The following KAT8 variants were observed in gnomAD, a reference collection of about 807,000 sequenced individuals.
KAT8 encodes the protein lysine acetyltransferase 8.
Under a neutral mutation model 62.9 loss-of-function variants are expected in KAT8, and 40 were observed. The observed-to-expected ratio is 0.64, with a 90% CI of 0.49 to 0.83. KAT8 has a LOEUF of 0.83. Among genes scored for constraint, KAT8 ranks in the 40% least tolerant of loss-of-function variants. The pLI is 0.00. For synonymous variants in KAT8, 278 were observed against 254.5 expected (o/e 1.09, Z -0.88); for missense variants, 387 against 614.8 (o/e 0.63, Z 3.92).
At chr16:31,128,300 C>G (rs1247197942) in intron 6 of KAT8, among the ~76,000 whole-genome samples, 161 bp downstream of exon 6, 1 of 152,188 alleles carries the variant, frequency 6.6e-6, no homozygotes, top group Admixed American at 6.5e-5. Context: ...GTAATCCTAG[C>G]ACTTTTGGAG....
At chr16:31,127,148 G>T (rs747240791) in intron 4 of KAT8, 41 bp from the exon 5 acceptor site, 1 of 1,609,586 alleles carries the variant, frequency 6.2e-7, no homozygotes, top group Non-Finnish European at 8.5e-7. Flanking sequence ...AGGAGCCCCT[G>T]CTGAGCCGTG....
intron 10 of KAT8, 138 bp from the exon 11 acceptor site, chr16:31,131,057 C>T (rs551463336): frequency 6.6e-7 from 1 of 1,504,296 alleles, no homozygotes; most frequent in African/African-American, 1.4e-5. Flanking sequence ...CCTGGGCTTC[C>T]CTACCCCTCC....
At chr16:31,120,149 T>A in intron 1 of KAT8, 37 bp from the exon 2 acceptor site, 1 of 1,575,372 alleles carries the variant, frequency 6.3e-7, no homozygotes, top group South Asian at 1.1e-5. Context: ...TGTTCCAGCC[T>A]TACCTTCCTG....
Position 31,117,846 on chromosome 16 carries a change from G to A in KAT8, c.165G>A (p.Val55=). Residue 55 remains valine (V), a synonymous_variant, in exon 1 of 11, where the codon GTG becomes GTA. Coordinates refer to ENST00000219797, the MANE Select transcript of KAT8 (RefSeq NM_032188.3). ...TPARGEPEVT[V]EIGETYLCRR... is the part of the protein sequence containing the mutation. ...CGCGCGGCGAGCCGGAAGTCACGGT[G>A]GAGATCGGAGAAACGTACCTGTGCC... 5 of 1,438,386 alleles carry A rather than the reference G, an allele frequency of 3.5e-6. No homozygotes were observed. Among genetic ancestry groups the A allele is most frequent in the Non-Finnish European group, 4.6e-6 (5 of 1,086,154 alleles). 89.1% of individuals were successfully genotyped at this position (1,438,386 alleles called of 1,614,324 possible).
intron 3 of KAT8, chr16:31,125,962 C>G (rs2057529032): frequency 6.6e-6 from 1 of 152,202 alleles, no homozygotes; most frequent in Non-Finnish European, 1.5e-5. Context: ...TTGACCACTT[C>G]TCGCTGAACT....
intron 3 of KAT8, 88 bp from the exon 4 acceptor site, chr16:31,126,947 C>T (rs1007771293): frequency 1.6e-4 from 227 of 1,388,930 alleles, no homozygotes; most frequent in Non-Finnish European, 1.9e-4. Flanking sequence ...GTCTGGTAGA[C>T]GGCAGGGAAG....
intron 3 of KAT8, among the ~76,000 whole-genome samples, chr16:31,122,820 G>A (rs976332683): frequency 6.6e-6 from 1 of 151,734 alleles, no homozygotes; most frequent in South Asian, 2.1e-4. Context: ...GGTGGAGCTT[G>A]TAGTGAGCCG....
At chr16:31,119,013 T>C (rs1029551769) in intron 1 of KAT8, among the ~76,000 whole-genome samples, 3 of 151,454 alleles carry the variant, frequency 2.0e-5, no homozygotes, top group African/African-American at 7.3e-5. Context: ...CCTCTCAGAG[T>C]GTTGGGATTA....
At position 31,130,069 on chromosome 16, in the gene KAT8, CA is replaced by C; in HGVS notation, c.825del (p.Leu276CysfsTer13). The C allele has an allele frequency of 6.2e-7, 1 of 1,613,996 alleles. No individual in the cohort carries two copies. The highest frequency in any genetic ancestry group is 8.5e-7 in the Non-Finnish European group (1 of 1,179,980). On this transcript the variant is annotated frameshift_variant, in exon 7 of 11. Transcript: ENST00000219797. LOFTEE classifies it high-confidence loss of function. ...LLAKLFLDHKTLYFDVEPFVF... is the reference protein window; with the variant it reads ...LLAKLFLDHKXLYFDVEPFVF... ...GCCAAGCTTTTCCTGGACCATAAGA[CA>C]CTGTACTTTGACGTGGAGCCGTTCG...
At chr16:31,120,717 A>G (rs2057486743) in intron 3 of KAT8, 1 of 526,872 alleles carries the variant, frequency 1.9e-6, no homozygotes, top group Non-Finnish European at 3.3e-6. Context: ...CTGCAGTCTC[A>G]CAGCAAGGAA....
intron 1 of KAT8, 97 bp from the exon 2 acceptor site, chr16:31,120,089 T>C: frequency 1.1e-6 from 1 of 936,462 alleles, no homozygotes; most frequent in Non-Finnish European, 1.8e-6. Context: ...GGTTAGCTGA[T>C]GTGTGGCCCT....
rs144270604 is a variant in KAT8 at position 31,128,076 on chromosome 16, C to T, written c.708C>T (p.Pro236=). 36 of 1,613,942 alleles carry T rather than the reference C, an allele frequency of 2.2e-5. No homozygotes were observed. Among genetic ancestry groups the T allele is most frequent in the East Asian group, 6.7e-5 (3 of 44,886 alleles). The part of the protein sequence containing the change: ...HLGQCQWRQP[P]GKEIYRKSNI... ...GTCAGTGCCAGTGGCGGCAGCCCCC[C>T]GGGAAAGAGATCTACCGCAAGAGCA... is the stretch of plus-strand genomic sequence containing the variant. Residue 236 remains proline, a synonymous_variant, in exon 6 of 11, where the codon CCC becomes CCT. Coordinates refer to ENST00000219797, the MANE Select transcript of KAT8 (RefSeq NM_032188.3).
rs770075993 is a variant in KAT8, at chr16:31,130,258, C to T, written c.913-9C>T. ...CTCCCCAGCGGCCCTGAGCACCTGC[C>T]TCCTGCAGGAGAAGGAGTCCCCGGA... On this transcript the variant is annotated splice_polypyrimidine_tract_variant and intron_variant, in intron 7 of 10. Coordinates refer to ENST00000219797, the MANE Select transcript of KAT8 (RefSeq NM_032188.3). The T allele has an allele frequency of 3.2e-5, 52 of 1,613,946 alleles. No homozygotes were observed. The highest frequency in any genetic ancestry group is 8.5e-6 in the Non-Finnish European group (10 of 1,179,932).
intron 3 of KAT8, chr16:31,126,116 C>T (rs886678698): frequency 5.3e-5 from 8 of 152,294 alleles, no homozygotes; most frequent in African/African-American, 1.9e-4. Flanking sequence ...CATGGACTCA[C>T]CTGACTCATG....
intron 3 of KAT8, among the ~76,000 whole-genome samples, chr16:31,121,340 CG>C (rs1471311016): frequency 6.6e-6 from 1 of 151,966 alleles, no homozygotes; most frequent in Non-Finnish European, 1.5e-5. Flanking sequence ...AGGCTGGTCT[CG>C]AACTCCTGAC....
chr16:31,129,942 G>T, intron 6 of KAT8, 75 bp from the exon 7 acceptor site: 1 of 1,556,892 alleles, frequency 6.4e-7, no homozygotes. Context: ...GCGTGGGCTG[G>T]TGCCGGCCGC....
Position 31,127,371 on chromosome 16 carries a change from G to A in KAT8, c.681+18G>A, listed in dbSNP as rs200926635. On this transcript the variant is annotated intron_variant, in intron 5 of 10. Coordinates refer to ENST00000219797, the MANE Select transcript of KAT8 (RefSeq NM_032188.3). ...TCCACTTGGTGAGGCTGGGCCGGCC[G>A]GGCCGAGCTGGGCAGGGGCCCGGTG... 60 of 1,612,784 alleles carry A rather than the reference G, an allele frequency of 3.7e-5. No homozygotes were observed. The highest frequency in any genetic ancestry group is 4.6e-5 in the Non-Finnish European group (54 of 1,179,494).
chr16:31,119,812 A>G (rs2057479725), intron 1 of KAT8, among the ~76,000 whole-genome samples: 1 of 149,762 alleles, frequency 6.7e-6, no homozygotes, highest in South Asian at 2.1e-4. Context: ...AGTAGTTGGG[A>G]TTACAGGTGT....
At chr16:31,125,445 C>G (rs896729075) in intron 3 of KAT8, 4 of 151,872 alleles carry the variant, frequency 2.6e-5, no homozygotes, top group Admixed American at 2.0e-4. Flanking sequence ...TGCTACTAAA[C>G]ATACAAAAAT....
Sources: gnomAD v4.1 joint callset for allele counts (sites outside exome capture counted in the v4.1 genomes callset) on GRCh38, gnomAD v4.1.1 for gene constraint, MANE v1.5 for transcripts, NCBI Gene and HGNC (gene_info 2026-07-23, HGNC 2026-07-21) for gene names.